Variants in DNAH8 observed in about 807,000 individuals in gnomAD.
DNAH8 encodes the protein axonemal beta dynein heavy chain 8.
DNAH8 carries 382 observed loss-of-function variants against 562.1 expected under a neutral mutation model. The observed-to-expected ratio is 0.68, with a 90% CI of 0.63 to 0.74. DNAH8 has a LOEUF of 0.74. DNAH8 is among the 30% of genes least tolerant of loss of function. The pLI is 0.00. For missense variants in DNAH8, 5,203 were observed against 5,620.4 expected (o/e 0.93, Z 2.37); for synonymous variants, 1,881 against 1,919.4 (o/e 0.98, Z 0.52).
At chr6:38,907,782 T>C (rs1223594430) in intron 63 of DNAH8, among the ~76,000 whole-genome samples, 174 bp from the exon 64 acceptor site, 1 of 152,216 alleles carries the variant, frequency 6.6e-6, no homozygotes, top group East Asian at 1.9e-4. Flanking sequence ...AGCTGCTCAA[T>C]AAAAAGTTGC....
intron 5 of DNAH8, 123 bp from the exon 6 acceptor site, chr6:38,736,944 T>C: frequency 1.6e-6 from 1 of 622,098 alleles, no homozygotes; most frequent in Admixed American, 3.9e-5. Flanking sequence ...CCACTTAAGA[T>C]TCCCTAATAG....
At chr6:38,891,543 G>A (rs971256061) in intron 58 of DNAH8, among the ~76,000 whole-genome samples, 5 of 152,198 alleles carry the variant, frequency 3.3e-5, no homozygotes, top group African/African-American at 1.2e-4. Context: ...ACAATTATTG[G>A]AAGAGGAATT....
chr6:38,890,946 AT>A (rs1583287526), intron 58 of DNAH8, among the ~76,000 whole-genome samples, 185 bp downstream of exon 58: 1 of 152,224 alleles, frequency 6.6e-6, no homozygotes, highest in East Asian at 1.9e-4. Flanking sequence ...TGACTAAATG[AT>A]GCTTTCCGTA....
At position 38,881,920 on chromosome 6, in the gene DNAH8, G is replaced by C. The variant is rs182520232; in HGVS notation, c.7859-990G>C. On this transcript the variant is annotated intron_variant, in intron 53 of 92. Coordinates refer to ENST00000327475, the MANE Select transcript of DNAH8 (RefSeq NM_001206927.2). Reference sequence around the variant, plus strand: ...GTTGACTCTTTTTTTGGTCTTTTCCGTCTTTTCAGTTGATGTGGCTTTTCT... The same window carrying C: ...GTTGACTCTTTTTTTGGTCTTTTCCCTCTTTTCAGTTGATGTGGCTTTTCT... 1.3e-5 allele frequency among the ~76,000 whole-genome samples: 2 copies of C among 151,958 alleles called. 1 individual carries two copies. Among genetic ancestry groups the C allele is most frequent in the Non-Finnish European group, 2.9e-5 (2 of 67,998 alleles).
At chr6:38,908,819 C>G (rs1379223994) in intron 64 of DNAH8, among the ~76,000 whole-genome samples, 6 of 152,146 alleles carry the variant, frequency 3.9e-5, no homozygotes, top group African/African-American at 1.4e-4. Flanking sequence ...TCGCAAAGTG[C>G]TGGGATTACA....
intron 82 of DNAH8, among the ~76,000 whole-genome samples, chr6:38,958,669 A>AAG (rs1554145830): frequency 2.2e-4 from 33 of 148,012 alleles, no homozygotes; most frequent in African/African-American, 7.9e-4. Flanking sequence ...AAAAAAAAAA[A>AAG]GCCCAGGAAC....
chr6:38,874,037 CT>C (rs71766808), intron 52 of DNAH8, among the ~76,000 whole-genome samples: 7,292 of 42,352 alleles, frequency 0.17, 1,709 homozygotes, highest in East Asian at 0.39. Context: ...TTTTTCTTTT[CT>C]TTTCTTTCTT....
At position 38,803,291 on chromosome 6, in the gene DNAH8, G is replaced by A. The variant is rs1376949943; in HGVS notation, c.3014G>A (p.Gly1005Glu). 2.5e-6 allele frequency: 4 copies of A among 1,598,268 alleles called. No homozygotes were observed. The African/African-American group carries it at 5.4e-5, about 22-fold the overall frequency. ...FEQIYEVKYT[G>E]KVGKQSEQRK... ...CAGATTTATGAAGTGAAATACACTGGGAAAGTAGGAAAACAGTCAGGTAAC... is the reference window on the plus strand; with the variant it reads ...CAGATTTATGAAGTGAAATACACTGAGAAAGTAGGAAAACAGTCAGGTAAC... Residue 1005 changes from glycine (G) to glutamate (E), a missense_variant, in exon 22 of 93, where the codon GGG (glycine) becomes GAG (glutamate). By Grantham distance (98) the Gly-to-Glu change is moderately conservative. Coordinates refer to ENST00000327475, the MANE Select transcript of DNAH8 (RefSeq NM_001206927.2).
At chr6:38,842,326 A>G in intron 33 of DNAH8, 42 bp from the exon 34 acceptor site, 1 of 1,522,564 alleles carries the variant, frequency 6.6e-7, no homozygotes, top group Non-Finnish European at 8.9e-7. Context: ...ACTTTATTAA[A>G]TATTATACAT....
intron 78 of DNAH8, 140 bp from the exon 79 acceptor site, chr6:38,938,658 G>A (rs1783176103): frequency 1.6e-6 from 1 of 626,028 alleles, no homozygotes; most frequent in Non-Finnish European, 2.8e-6. Flanking sequence ...TTAATACCTG[G>A]GTGATGAATT....
intron 33 of DNAH8, among the ~76,000 whole-genome samples, chr6:38,839,666 C>CTT (rs879764567): frequency 1.4e-5 from 2 of 145,102 alleles, no homozygotes. Context: ...CCGAGAAGCA[C>CTT]TTTTTTTTTT....
chr6:38,901,959 A>G (rs1183209629), intron 62 of DNAH8, among the ~76,000 whole-genome samples: 3 of 152,210 alleles, frequency 2.0e-5, no homozygotes, highest in Non-Finnish European at 4.4e-5. Flanking sequence ...CCCAGGTGGC[A>G]GAGCTCAGTA....
In DNAH8 at chr6:38,906,374, A is replaced by C. The variant is rs1280088682; in HGVS notation, c.9315A>C (p.Leu3105=). 1.2e-6 allele frequency: 2 copies of C among 1,609,736 alleles called. No individual in the cohort carries two copies. Among genetic ancestry groups the C allele is most frequent in the Admixed American group, 1.7e-5 (1 of 59,852 alleles). ...TDSEIKDEAF[L]EYLNNLLSSG... ...GTGAAATAAAAGATGAGGCATTTCTAGAATACCTTAACAACTTGCTATCTT... is the reference window on the plus strand; with the variant it reads ...GTGAAATAAAAGATGAGGCATTTCTCGAATACCTTAACAACTTGCTATCTT... The change falls in exon 63 of 93, where the codon CTA becomes CTC. Residue 3105 remains leucine, a synonymous_variant. Coordinates refer to ENST00000327475, the MANE Select transcript of DNAH8 (RefSeq NM_001206927.2).
intron 8 of DNAH8, among the ~76,000 whole-genome samples, chr6:38,747,209 T>G (rs2127591983): frequency 6.6e-6 from 1 of 152,238 alleles, no homozygotes; most frequent in African/African-American, 2.4e-5. Context: ...ATTATTATCT[T>G]CCCCATTTTG....
rs1191695835 is a variant in DNAH8 at position 38,998,366 on chromosome 6, C to A, written c.13214+8194C>A. ...TTTATTATGTAGATTTATAAGGTAC[C>A]AAAGACTCTGCAAATTCAACTCTTT... On this transcript the variant is annotated intron_variant, in intron 88 of 92. Transcript: ENST00000327475. 3.3e-5 allele frequency among the ~76,000 whole-genome samples: 5 copies of A among 152,042 alleles called. No homozygotes were observed. The East Asian group carries it at 9.6e-4, about 29-fold the overall frequency.
At chr6:38,952,792 A>T (rs577372060) in intron 82 of DNAH8, among the ~76,000 whole-genome samples, 1 of 152,186 alleles carries the variant, frequency 6.6e-6, no homozygotes, top group Non-Finnish European at 1.5e-5. Flanking sequence ...ACTGATACCA[A>T]TGCAAAGAGC....
At chr6:38,998,161 A>G (rs1308998526) in intron 88 of DNAH8, among the ~76,000 whole-genome samples, 2 of 152,196 alleles carry the variant, frequency 1.3e-5, no homozygotes, top group Non-Finnish European at 2.9e-5. Context: ...TTGAGAGAAG[A>G]GGGAGATTTG....
intron 57 of DNAH8, among the ~76,000 whole-genome samples, chr6:38,887,981 C>T (rs1007222705): frequency 5.3e-5 from 8 of 151,750 alleles, no homozygotes; most frequent in South Asian, 2.1e-4. Context: ...GGATTACAGG[C>T]GCCTGCCACC....
Position 38,822,884 on chromosome 6 carries a change from C to T in DNAH8, c.3570C>T (p.Tyr1190=). 1.9e-6 allele frequency: 3 copies of T among 1,604,786 alleles called. No homozygotes were observed. The highest frequency in any genetic ancestry group is 2.5e-6 in the Non-Finnish European group (3 of 1,177,598). Reference sequence around the variant, plus strand: ...CTGCGAGGAAGCTGAAGAATTTTTACCCGGGGGTAGCGGAGCACAAGGATA... The same window carrying T: ...CTGCGAGGAAGCTGAAGAATTTTTATCCGGGGGTAGCGGAGCACAAGGATA... The part of the protein sequence containing the change: ...AIPARKLKNF[Y]PGVAEHKDIS... The change falls in exon 27 of 93, where the codon TAC becomes TAT. Residue 1190 remains tyrosine (Y), a synonymous_variant. Transcript: ENST00000327475.
Sources: gnomAD v4.1 joint callset for allele counts (sites outside exome capture counted in the v4.1 genomes callset) on GRCh38, gnomAD v4.1.1 for gene constraint, MANE v1.5 for transcripts, NCBI Gene and HGNC (gene_info 2026-07-23, HGNC 2026-07-21) for gene names.